The following PCDHA10 variants were observed in gnomAD, a reference collection of about 807,000 sequenced individuals.
The protein encoded by PCDHA10 is protocadherin alpha-10.
PCDHA10 carries 45 observed loss-of-function variants against 61.2 expected under a neutral mutation model. The ratio of observed to expected loss-of-function variants is 0.74; its 90% CI spans 0.58 to 0.94. PCDHA10 has a LOEUF of 0.94. Among genes scored for constraint, PCDHA10 ranks in the 40% least tolerant of loss-of-function variants. The probability of loss-of-function intolerance (pLI) is 0.00; values close to 1 mark genes in which losing one functional copy is unlikely to be tolerated. For missense variants in PCDHA10, 1,278 were observed against 1,236.2 expected (o/e 1.03, Z -0.51); for synonymous variants, 602 against 548.8 (o/e 1.10, Z -1.35).
intron 1 of PCDHA10, among the ~76,000 whole-genome samples, chr5:140,915,139 G>C (rs2153533338): frequency 6.6e-6 from 1 of 151,944 alleles, no homozygotes; most frequent in Non-Finnish European, 1.5e-5. Flanking sequence ...AGTAGAGACG[G>C]GGTTTCACCA....
rs1291413682 is a variant in PCDHA10, at chr5:140,856,005, C to G, written c.-44C>G. ...GAAAATGTCAGATCGTATGTGCGTT[C>G]TAGACCGCTGATTCGTCGATTTGTA... is the stretch of plus-strand genomic sequence containing the variant. On this transcript the variant is annotated 5_prime_UTR_variant, in exon 1 of 4. Coordinates refer to ENST00000307360, the MANE Select transcript of PCDHA10 (RefSeq NM_018901.4). 6.5e-6 allele frequency: 10 copies of G among 1,538,764 alleles called. 3 individuals carry two copies. In the African/African-American group the frequency reaches 1.4e-4, roughly 21 times the overall value.
At chr5:140,960,065 C>G (rs953730101) in intron 1 of PCDHA10, among the ~76,000 whole-genome samples, 1 of 152,120 alleles carries the variant, frequency 6.6e-6, no homozygotes, top group Non-Finnish European at 1.5e-5. Flanking sequence ...ACAGAAGATT[C>G]AATTGAAGTT....
chr5:140,966,436 G>T, intron 1 of PCDHA10: 1 of 421,750 alleles, frequency 2.4e-6, no homozygotes. Flanking sequence ...CCCTCCTACC[G>T]CTCCCTTTCC....
At position 140,882,588 on chromosome 5, in the gene PCDHA10, A is replaced by G; in HGVS notation, c.2388+24152A>G. The G allele has an allele frequency of 1.2e-6, 2 of 1,614,186 alleles. No homozygotes were observed. Among genetic ancestry groups the G allele is most frequent in the African/African-American group, 1.3e-5 (1 of 75,040 alleles). ...AGCGCGGAGTGCAGCATCCACCTGG[A>G]GGTGATCGTGGACAGGCCTCTGCAG... On this transcript the variant is annotated intron_variant, in intron 1 of 3. Coordinates refer to ENST00000307360, the MANE Select transcript of PCDHA10 (RefSeq NM_018901.4).
At chr5:140,858,580 A>C in intron 1 of PCDHA10, 144 bp downstream of exon 1, 1 of 1,352,736 alleles carries the variant, frequency 7.4e-7, no homozygotes, top group Non-Finnish European at 1.0e-6. Flanking sequence ...CCTTTGTAAT[A>C]TAATTTATTC....
chr5:140,968,029 G>C (rs1554230214), intron 1 of PCDHA10: 4 of 1,614,170 alleles, frequency 2.5e-6, no homozygotes, highest in South Asian at 2.2e-5. Context: ...CCTATACACT[G>C]GTGGTGAGCG....
intron 1 of PCDHA10, chr5:140,870,062 A>G (rs1554163774): frequency 5.0e-6 from 8 of 1,613,902 alleles, no homozygotes; most frequent in South Asian, 3.3e-5. Context: ...ATTGAAGTAC[A>G]GGCTACAGAT....
chr5:140,955,696 A>G (rs373393526), intron 1 of PCDHA10, among the ~76,000 whole-genome samples: 6 of 152,184 alleles, frequency 3.9e-5, no homozygotes, highest in East Asian at 1.9e-4. Flanking sequence ...GATGAATGTC[A>G]ATGGAAGTTT....
chr5:140,941,202 C>CCTTCCTTT (rs1554213920), intron 1 of PCDHA10, among the ~76,000 whole-genome samples: 107 of 122,824 alleles, frequency 8.7e-4, no homozygotes, highest in Admixed American at 4.2e-3. Flanking sequence ...TTTCTTTCTT[C>CCTTCCTTT]CTTTCTTTCT....
At chr5:140,889,724 T>C (rs1198530950) in intron 1 of PCDHA10, among the ~76,000 whole-genome samples, 6 of 152,216 alleles carry the variant, frequency 3.9e-5, no homozygotes, top group African/African-American at 1.4e-4. Context: ...TGCTACTGTC[T>C]CACTGAGTAG....
At chr5:140,998,389 C>T (rs1386157244) in intron 3 of PCDHA10, among the ~76,000 whole-genome samples, 3 of 152,128 alleles carry the variant, frequency 2.0e-5, no homozygotes, top group Non-Finnish European at 4.4e-5. Flanking sequence ...AAGTTTAATG[C>T]CATCTTTATG....
At chr5:140,974,815 A>G (rs990559310) in intron 1 of PCDHA10, among the ~76,000 whole-genome samples, 3 of 152,188 alleles carry the variant, frequency 2.0e-5, no homozygotes, top group Non-Finnish European at 4.4e-5. Context: ...GAAGACCAAT[A>G]TGCAACATAA....
At chr5:140,989,296 G>A (rs1587341853) in intron 3 of PCDHA10, among the ~76,000 whole-genome samples, 1 of 152,128 alleles carries the variant, frequency 6.6e-6, no homozygotes, top group South Asian at 2.1e-4. Context: ...TGTCACAAAG[G>A]GCCAAGGAAG....
chr5:140,862,657 C>T (rs2047475881), intron 1 of PCDHA10: 2 of 545,364 alleles, frequency 3.7e-6, no homozygotes, highest in South Asian at 2.8e-5. Context: ...CGCGCGGGAC[C>T]GGGACGCGCA....
intron 1 of PCDHA10, chr5:140,967,256 G>T: frequency 6.2e-7 from 1 of 1,613,524 alleles, no homozygotes; most frequent in Non-Finnish European, 8.5e-7. Flanking sequence ...GGTGGCGCCT[G>T]GAGCGCGCTT....
At chr5:140,926,704 T>A in intron 1 of PCDHA10, 1 of 842,670 alleles carries the variant, frequency 1.2e-6, no homozygotes, top group Non-Finnish European at 1.7e-6. Context: ...GGCTCCCAGC[T>A]GGCCAGCCCC....
chr5:140,909,496 G>C (rs1554193832), intron 1 of PCDHA10, among the ~76,000 whole-genome samples: 1 of 152,168 alleles, frequency 6.6e-6, no homozygotes, highest in African/African-American at 2.4e-5. Context: ...GCTGAACGGG[G>C]ATGTGGTGGG....
intron 1 of PCDHA10, among the ~76,000 whole-genome samples, chr5:140,894,005 G>A (rs1365314012): frequency 6.6e-6 from 1 of 152,072 alleles, no homozygotes; most frequent in Non-Finnish European, 1.5e-5. Context: ...TGTATGGTTG[G>A]TTCAAATTAC....
At chr5:140,937,836 T>C (rs2091788765) in intron 1 of PCDHA10, among the ~76,000 whole-genome samples, 1 of 150,366 alleles carries the variant, frequency 6.7e-6, no homozygotes, top group Non-Finnish European at 1.5e-5. Flanking sequence ...GGCATGAACC[T>C]GGAAGGCGGA....
Sources: allele counts gnomAD v4.1 joint callset (sites outside exome capture counted in the v4.1 genomes callset), GRCh38; gene constraint gnomAD v4.1.1; transcripts MANE v1.5; gene names NCBI Gene and HGNC (gene_info 2026-07-23, HGNC 2026-07-21).